SRPRB: variants seen among roughly 807,000 people sequenced by gnomAD.
SRPRB encodes signal recognition particle receptor subunit beta.
Under a neutral mutation model 31.9 loss-of-function variants are expected in SRPRB, and 20 were observed. That is an observed-to-expected ratio of 0.63 (90% confidence interval 0.44 to 0.91). SRPRB has a LOEUF of 0.91. Ranked by LOEUF, SRPRB falls within the 40% of genes least tolerant of loss-of-function variation. The pLI, the probability that SRPRB is intolerant of heterozygous loss-of-function variation, is 0.00. For missense variants in SRPRB, 321 were observed against 324.9 expected (o/e 0.99, Z 0.09); for synonymous variants, 146 against 132.8 (o/e 1.10, Z -0.68).
At chr3:133,811,604 A>G (rs1271565877) in intron 4 of SRPRB, among the ~76,000 whole-genome samples, 3 of 147,068 alleles carry the variant, frequency 2.0e-5, no homozygotes, top group African/African-American at 5.0e-5. Flanking sequence ...TTTTTTTGAG[A>G]TGGAGTCTCA....
At position 133,819,546 on chromosome 3, in the gene SRPRB, C is replaced by A; in HGVS notation, c.603-7C>A. On this transcript the variant is annotated splice_polypyrimidine_tract_variant and splice_region_variant and intron_variant, in intron 6 of 6. Transcript: ENST00000678299. ...TGCCTCCTGACTTCTTTCCTTTTGC[C>A]CCACAGCAACACCTTACGAGTTACC... is the stretch of plus-strand genomic sequence containing the variant. The A allele has an allele frequency of 6.2e-7, 1 of 1,602,654 alleles. No homozygotes were observed. The highest frequency in any genetic ancestry group is 1.1e-5 in the South Asian group (1 of 90,630).
chr3:133,819,688 C>A lies in SRPRB; in HGVS notation c.738C>A (p.Cys246Ter). 1 of 1,614,128 alleles carries A rather than the reference C, an allele frequency of 6.2e-7. No homozygotes were observed. Among genetic ancestry groups the A allele is most frequent in the South Asian group, 1.1e-5 (1 of 91,074 alleles). The change falls in exon 7 of 7, where the codon TGC becomes TGA. Residue 246 changes from cysteine (C) to a stop codon, truncating the protein, a stop_gained. Coordinates refer to ENST00000678299, the MANE Select transcript of SRPRB (RefSeq NM_001379313.1). LOFTEE classifies it high-confidence loss of function. ...QLPLKVEFLECSAKGGRGDVG... is the reference protein window; with the variant it reads ...QLPLKVEFLE Reference sequence around the variant, plus strand: ...CCCTCAAAGTGGAGTTCCTGGAGTGCAGTGCCAAGGGTGGAAGAGGGGACG... The same window carrying A: ...CCCTCAAAGTGGAGTTCCTGGAGTGAAGTGCCAAGGGTGGAAGAGGGGACG...
Position 133,805,906 on chromosome 3 carries a change from C to T in SRPRB, c.58C>T (p.Gln20Ter). 1.9e-6 allele frequency: 3 copies of T among 1,613,968 alleles called. No individual in the cohort carries two copies. The highest frequency in any genetic ancestry group is 1.1e-5 in the South Asian group (1 of 91,072). ...ADGGGAGGTF[Q>*]PYLDTLRQEL... ...TGGCGGCGGTGCCGGGGGCACCTTC[C>T]AGCCCTACCTAGACACCTTGCGGCA... is the stretch of plus-strand genomic sequence containing the variant. Residue 20 changes from glutamine to a stop codon, truncating the protein, a stop_gained, in exon 1 of 7, where the codon CAG becomes TAG. Transcript: ENST00000678299. LOFTEE classifies it high-confidence loss of function.
chr3:133,803,037 C>T (rs773435287), upstream of SRPRB, among the ~76,000 whole-genome samples: 4 of 152,162 alleles, frequency 2.6e-5, no homozygotes, highest in East Asian at 1.9e-4. Flanking sequence ...TCACATCCTA[C>T]GTATTTTAAC....
chr3:133,822,758 T>G (rs1242314661), downstream of SRPRB, among the ~76,000 whole-genome samples: 1 of 152,232 alleles, frequency 6.6e-6, no homozygotes, highest in African/African-American at 2.4e-5. Flanking sequence ...ATGCCTGTCC[T>G]CACCTGAAGG....
intron 1 of SRPRB, among the ~76,000 whole-genome samples, chr3:133,797,946 T>A (rs1935002903): frequency 6.6e-6 from 1 of 151,836 alleles, no homozygotes; most frequent in African/African-American, 2.4e-5. Flanking sequence ...AGGGGAAGGG[T>A]GAAGGGAAGG....
At chr3:133,825,214 G>A (rs1392318153), downstream of SRPRB, 1 of 152,208 alleles carries the variant, frequency 6.6e-6, no homozygotes, top group Non-Finnish European at 1.5e-5. Flanking sequence ...GTGAAGGAAT[G>A]AGGCTGCTCT....
chr3:133,810,221 G>A (rs995268110), intron 3 of SRPRB: 1 of 152,198 alleles, frequency 6.6e-6, no homozygotes, highest in South Asian at 2.1e-4. Flanking sequence ...CACAGGCTAT[G>A]TGAAAGGTAA....
chr3:133,804,593 T>G (rs1439159123), upstream of SRPRB, among the ~76,000 whole-genome samples: 1 of 152,154 alleles, frequency 6.6e-6, no homozygotes, highest in Admixed American at 6.5e-5. Context: ...ATGTATTTTT[T>G]TGTGTGTAAG....
At chr3:133,827,746 ACCCC>A (rs55951806), downstream of SRPRB, 4,440 of 73,260 alleles carry the variant, frequency 0.061, 243 homozygotes, top group African/African-American at 0.21. Context: ...TGCAGACAAC[ACCCC>A]CCCCCCCCCC....
At chr3:133,805,667 G>C (rs146689459), upstream of SRPRB, 1 of 643,016 alleles carries the variant, frequency 1.6e-6, no homozygotes, top group Non-Finnish European at 2.4e-6. Context: ...TGCCCCTATC[G>C]TTCTGTAGGA....
intron 1 of SRPRB, chr3:133,788,723 G>T (rs1003009241): frequency 1.3e-5 from 2 of 152,222 alleles, no homozygotes; most frequent in Non-Finnish European, 2.9e-5. Flanking sequence ...TCTGGGTGGG[G>T]CCATCCTGAA....
chr3:133,814,781 T>G (rs1232310268), intron 4 of SRPRB, among the ~76,000 whole-genome samples: 4 of 152,196 alleles, frequency 2.6e-5, no homozygotes, highest in Non-Finnish European at 4.4e-5. Flanking sequence ...CTGCTGCACT[T>G]TAGCTTTGAT....
At chr3:133,810,962 A>G in intron 3 of SRPRB, 155 bp from the exon 4 acceptor site, 1 of 653,114 alleles carries the variant, frequency 1.5e-6, no homozygotes, top group Non-Finnish European at 2.5e-6. Context: ...TTACATCCCC[A>G]GAACGTTGAC....
At chr3:133,827,597 CA>C (rs1935585617), downstream of SRPRB, 1 of 376,854 alleles carries the variant, frequency 2.7e-6, no homozygotes, top group Non-Finnish European at 4.8e-6. Context: ...ACAGTAGCCA[CA>C]AAGATATGTC....
chr3:133,822,547 G>C (rs1935490444), downstream of SRPRB, among the ~76,000 whole-genome samples: 2 of 152,200 alleles, frequency 1.3e-5, no homozygotes, highest in Non-Finnish European at 2.9e-5. Flanking sequence ...AGCTGCTGTT[G>C]GTGGGGAGTC....
At chr3:133,791,120 T>C (rs1234075540) in intron 1 of SRPRB, 1 of 152,180 alleles carries the variant, frequency 6.6e-6, no homozygotes, top group Non-Finnish European at 1.5e-5. Flanking sequence ...TCCCTATGCA[T>C]TTCTAGCAAG....
rs774277208 is a variant in SRPRB at position 133,805,921 on chromosome 3, A to G, written c.73A>G (p.Thr25Ala). 5.6e-6 allele frequency: 9 copies of G among 1,613,884 alleles called. No homozygotes were observed. The highest frequency in any genetic ancestry group is 5.3e-5 in the African/African-American group (4 of 74,912). ...GGGCACCTTCCAGCCCTACCTAGACACCTTGCGGCAGGAGCTGCAGCAGAC... is the reference window on the plus strand; with the variant it reads ...GGGCACCTTCCAGCCCTACCTAGACGCCTTGCGGCAGGAGCTGCAGCAGAC... ...AGGTFQPYLDTLRQELQQTDP... is the reference protein window; with the variant it reads ...AGGTFQPYLDALRQELQQTDP... Residue 25 changes from threonine to alanine, a missense_variant, in exon 1 of 7, where the codon ACC becomes GCC. Transcript: ENST00000678299.
At chr3:133,808,463 A>G (rs1001414280) in intron 3 of SRPRB, among the ~76,000 whole-genome samples, 17 of 152,294 alleles carry the variant, frequency 1.1e-4, no homozygotes, top group African/African-American at 3.6e-4. Flanking sequence ...CTCTGTTGCT[A>G]TACCATAAAA....
Sources: allele counts gnomAD v4.1 joint callset (sites outside exome capture counted in the v4.1 genomes callset), GRCh38; gene constraint gnomAD v4.1.1; transcripts MANE v1.5; gene names NCBI Gene and HGNC (gene_info 2026-07-23, HGNC 2026-07-21).